PRKAR1B: variants seen among roughly 807,000 people sequenced by gnomAD.
The protein encoded by PRKAR1B is protein kinase cAMP-dependent type I regulatory subunit beta.
A neutral mutation model predicts 46.5 loss-of-function variants in PRKAR1B; 22 were observed. The observed-to-expected ratio is 0.47, with a 90% CI of 0.34 to 0.68. The LOEUF (loss-of-function observed/expected upper bound fraction) is 0.68. Ranked by LOEUF, PRKAR1B falls within the 30% of genes least tolerant of loss-of-function variation. PRKAR1B has a pLI of 0.01. For missense variants in PRKAR1B, 445 were observed against 535.6 expected, an observed-to-expected ratio of 0.83 and a Z score of 1.67; for synonymous variants, 259 against 217.7, an observed-to-expected ratio of 1.19 and a Z score of -1.67.
chr7:717,561 G>A (rs527859011), intron 1 of PRKAR1B, among the ~76,000 whole-genome samples: 1 of 152,124 alleles, frequency 6.6e-6, no homozygotes, highest in South Asian at 2.1e-4. Context: ...AGGAGGCTAA[G>A]GTGGCAGGAT....
chr7:636,040 G>A (rs1256895099), intron 4 of PRKAR1B, among the ~76,000 whole-genome samples: 14 of 24,536 alleles, frequency 5.7e-4, no homozygotes, highest in African/African-American at 8.7e-4. Flanking sequence ...GCGCCCACAC[G>A]TCCTCCACCG....
intron 4 of PRKAR1B, among the ~76,000 whole-genome samples, chr7:656,342 T>C (rs1037857596): frequency 1.3e-5 from 2 of 151,750 alleles, no homozygotes; most frequent in Admixed American, 1.3e-4. Flanking sequence ...GGATGATGCA[T>C]GGGTGAATGT....
intron 4 of PRKAR1B, among the ~76,000 whole-genome samples, chr7:637,007 G>A (rs368202124): frequency 8.3e-4 from 126 of 152,326 alleles, no homozygotes; most frequent in African/African-American, 3.0e-3. Flanking sequence ...CTTGAAGGAG[G>A]TGAGGTGTGG....
intron 9 of PRKAR1B, among the ~76,000 whole-genome samples, chr7:568,696 T>C (rs953158324): frequency 6.6e-6 from 1 of 151,992 alleles, no homozygotes; most frequent in African/African-American, 2.4e-5. Context: ...AATCGATTTG[T>C]CCAGAACTGC....
At chr7:590,797 G>T (rs1200602941) in intron 7 of PRKAR1B, among the ~76,000 whole-genome samples, 1 of 152,140 alleles carries the variant, frequency 6.6e-6, no homozygotes, top group East Asian at 1.9e-4. Flanking sequence ...AGACGGTGCA[G>T]ACGGCACTTC....
At position 615,099 on chromosome 7, in the gene PRKAR1B, G is replaced by C. The variant is rs563804874; in HGVS notation, c.441-7647C>G. ...CTCTAAAAACAGAAAGAAGGAGAGAGAGAGAGGCAGAAAGAAAGAGTGAGA... is the reference window on the plus strand; with the variant it reads ...CTCTAAAAACAGAAAGAAGGAGAGACAGAGAGGCAGAAAGAAAGAGTGAGA... On this transcript the variant is annotated intron_variant, in intron 4 of 10. Transcript: ENST00000537384. 1.6e-4 allele frequency among the ~76,000 whole-genome samples: 24 copies of C among 151,182 alleles called. 1 individual carries two copies.
At chr7:638,419 A>T (rs1229021257) in intron 4 of PRKAR1B, among the ~76,000 whole-genome samples, 3 of 152,086 alleles carry the variant, frequency 2.0e-5, no homozygotes, top group Non-Finnish European at 4.4e-5. Context: ...GGGCCTCGGG[A>T]CAGGTGAAGT....
intron 4 of PRKAR1B, among the ~76,000 whole-genome samples, chr7:625,850 T>TACA (rs1783363284): frequency 6.6e-6 from 1 of 151,396 alleles, no homozygotes; most frequent in Admixed American, 6.6e-5. Context: ...TAGTAAAAAA[T>TACA]ACACAAAATT....
chr7:565,911 G>A (rs1779096251), intron 9 of PRKAR1B, among the ~76,000 whole-genome samples: 1 of 152,202 alleles, frequency 6.6e-6, no homozygotes, highest in Non-Finnish European at 1.5e-5. Context: ...AGGCAAGGAT[G>A]TGGGTACCCC....
At chr7:692,379 A>C (rs1416766473) in intron 2 of PRKAR1B, among the ~76,000 whole-genome samples, 1 of 152,182 alleles carries the variant, frequency 6.6e-6, no homozygotes. Context: ...CAGCCTGGGC[A>C]ACAAGGGCGA....
chr7:685,328 G>GTATACATA (rs1554303169), intron 2 of PRKAR1B, among the ~76,000 whole-genome samples: 4 of 48,286 alleles, frequency 8.3e-5, no homozygotes, highest in Non-Finnish European at 1.1e-4. Flanking sequence ...GTATATATAC[G>GTATACATA]TATATATACG....
intron 10 of PRKAR1B, 78 bp from the exon 11 acceptor site, chr7:550,680 C>A: frequency 8.0e-7 from 1 of 1,243,514 alleles, no homozygotes; most frequent in Non-Finnish European, 1.1e-6. Flanking sequence ...GTCCAGGACC[C>A]TGGAAGCGGC....
intron 9 of PRKAR1B, chr7:578,988 A>T: frequency 7.7e-7 from 1 of 1,302,152 alleles, no homozygotes; most frequent in Non-Finnish European, 9.9e-7. Context: ...GGCCAGTTTC[A>T]TGCAGTTTTA....
intron 4 of PRKAR1B, among the ~76,000 whole-genome samples, chr7:622,755 G>C (rs1783178407): frequency 6.6e-6 from 1 of 152,150 alleles, no homozygotes; most frequent in African/African-American, 2.4e-5. Context: ...GAAGAAAACA[G>C]AACATTTACC....
At position 644,153 on chromosome 7, in the gene PRKAR1B, C is replaced by T. The variant is rs1233681979; in HGVS notation, c.440+33076G>A. On this transcript the variant is annotated intron_variant, in intron 4 of 10. Coordinates refer to ENST00000537384, the MANE Select transcript of PRKAR1B (RefSeq NM_001164760.2). The surrounding 1 kb of genome is among the most constrained non-coding windows in gnomAD (Gnocchi z 4.9). ...GGGCCACATGCACCCCCTCCTGTGC[C>T]CTCACCTACACAGGCAGGCAGCACA... is the stretch of plus-strand genomic sequence containing the variant. 6.6e-6 allele frequency among the ~76,000 whole-genome samples: 1 copy of T among 152,136 alleles called. No individual in the cohort carries two copies. Among genetic ancestry groups the T allele is most frequent in the African/African-American group, 2.4e-5 (1 of 41,404 alleles).
Position 550,381 on chromosome 7 carries a change from G to C in PRKAR1B, c.*49C>G. The C allele has an allele frequency of 6.5e-7, 1 of 1,536,204 alleles. No homozygotes were observed. Among genetic ancestry groups the C allele is most frequent in the Non-Finnish European group, 8.8e-7 (1 of 1,132,942 alleles). ...CCGGGCCCCCGACACAGACGAGCAG[G>C]GCACGGCCACCACACTGGGGAGCTG... On this transcript the variant is annotated 3_prime_UTR_variant, in exon 11 of 11. Coordinates refer to ENST00000537384, the MANE Select transcript of PRKAR1B (RefSeq NM_001164760.2).
At chr7:568,366 G>T (rs1014538153) in intron 9 of PRKAR1B, among the ~76,000 whole-genome samples, 9 of 152,250 alleles carry the variant, frequency 5.9e-5, no homozygotes, top group African/African-American at 2.2e-4. Flanking sequence ...AGCAGGGCCA[G>T]CAGGCCACAG....
intron 4 of PRKAR1B, among the ~76,000 whole-genome samples, chr7:670,187 G>C (rs1786156600): frequency 6.6e-6 from 1 of 152,058 alleles, no homozygotes; most frequent in Non-Finnish European, 1.5e-5. Context: ...ATTTTTTTAG[G>C]GTTTGGATGT....
At chr7:712,946 G>T in intron 1 of PRKAR1B, 1 of 152,558 alleles carries the variant, frequency 6.6e-6, no homozygotes, top group Non-Finnish European at 1.5e-5. Flanking sequence ...CAGAGAGGGT[G>T]GCCAGGTGGG....
Sources: gnomAD v4.1 joint callset for allele counts (sites outside exome capture counted in the v4.1 genomes callset) on GRCh38, gnomAD v4.1.1 for gene constraint, Gnocchi (gnomAD v3.1) non-coding constraint, MANE v1.5 for transcripts, NCBI Gene and HGNC (gene_info 2026-07-23, HGNC 2026-07-21) for gene names.